The following NANOG variants were observed in gnomAD, a reference collection of about 807,000 sequenced individuals.
The protein encoded by NANOG is Nanog homeobox.
A neutral mutation model predicts 17.7 loss-of-function variants in NANOG; 2 were observed. The ratio of observed to expected loss-of-function variants is 0.11; its 90% CI spans 0.05 to 0.36. NANOG has a LOEUF of 0.36. NANOG is among the 10% of genes least tolerant of loss of function. NANOG has a pLI of 1.00. For missense variants in NANOG, 174 were observed against 362.1 expected (o/e 0.48, Z 4.22); for synonymous variants, 81 against 124.7 (o/e 0.65, Z 2.33).
chr12:7,795,330 T>TGCAGCCTTCAC lies in NANOG; in HGVS notation c.*235_*236insGCAGCCTTCAC. 6.3e-6 allele frequency: 2 copies of TGCAGCCTTCAC among 319,584 alleles called. 1 individual carries two copies. The allele number at this position is 319,584 out of a possible 1,614,324, so 19.8% of individuals were successfully genotyped here. A position where few individuals can be genotyped will look rare whatever the true frequency, so the allele number is the denominator to read the frequency against. On this transcript the variant is annotated 3_prime_UTR_variant, in exon 4 of 4. Coordinates refer to ENST00000229307, the MANE Select transcript of NANOG (RefSeq NM_024865.4). Reference sequence around the variant, plus strand: ...TTCCTGGAGAAAATACTTTTTTTTTTTTTTTTTTTGAAACGGAGTCTTGCT... The same window carrying TGCAGCCTTCAC: ...TTCCTGGAGAAAATACTTTTTTTTTTGCAGCCTTCACTTTTTTTTTGAAACGGAGTCTTGCT...
chr12:7,792,118 C>A (rs1326984489), intron 1 of NANOG, among the ~76,000 whole-genome samples: 1 of 152,148 alleles, frequency 6.6e-6, no homozygotes, highest in East Asian at 1.9e-4. Context: ...TGGTTTTGAA[C>A]TCTTGACCTC....
At chr12:7,791,093 ATTTCTTTC>A (rs1320803765) in intron 1 of NANOG, among the ~76,000 whole-genome samples, 31 of 144,326 alleles carry the variant, frequency 2.1e-4, no homozygotes, top group Admixed American at 1.6e-3. Context: ...TGCCTTTATA[ATTTCTTTC>A]TTTCTTTCTT....
intron 2 of NANOG, among the ~76,000 whole-genome samples, chr12:7,793,990 G>A (rs561844701): frequency 3.1e-4 from 47 of 152,198 alleles, no homozygotes; most frequent in African/African-American, 1.1e-3. Context: ...AGTGATCCAC[G>A]TGCCTCTGCC....
At chr12:7,793,335 T>G (rs1308783166) in intron 2 of NANOG, 123 bp downstream of exon 2, 1 of 808,798 alleles carries the variant, frequency 1.2e-6, no homozygotes, top group Non-Finnish European at 2.0e-6. Context: ...TTGCAAATAA[T>G]TTATGAAGAT....
Position 7,797,657 on chromosome 12 carries a change from T to G in NANOG, c.*2562T>G, listed in dbSNP as rs1340936443. On this transcript the variant is annotated 3_prime_UTR_variant, in exon 4 of 4. Transcript: ENST00000229307. ...CAGGCATGAGCCACAGTGCCCAGCC[T>G]TCTTTTTTATTTTTTTAAGACGGGC... The G allele has an allele frequency of 6.6e-6, 1 of 152,146 alleles. No homozygotes were observed. The highest frequency in any genetic ancestry group is 1.5e-5 in the Non-Finnish European group (1 of 68,058). The allele number at this position is 152,146 out of a possible 1,614,324, so 9.4% of individuals were successfully genotyped here.
chr12:7,790,960 G>T (rs1172520764), intron 1 of NANOG, among the ~76,000 whole-genome samples: 4 of 152,092 alleles, frequency 2.6e-5, no homozygotes, highest in Non-Finnish European at 5.9e-5. Flanking sequence ...GCTCGGGCTG[G>T]TCTTGAACTC....
At chr12:7,790,651 A>G (rs768503932) in intron 1 of NANOG, among the ~76,000 whole-genome samples, 119 of 152,306 alleles carry the variant, frequency 7.8e-4, no homozygotes, top group African/African-American at 2.7e-3. Context: ...TAAAAAGCGC[A>G]TTTACATTAT....
At position 7,799,052 on chromosome 12, in the gene NANOG, C is replaced by T. The variant is rs1290627669; in HGVS notation, c.*3957C>T. Reference sequence around the variant, plus strand: ...GAAGTGAAACTTGATTGAAAAGAAGCTGCTGGTGGTGAGTCTCTCCTTAAG... The same window carrying T: ...GAAGTGAAACTTGATTGAAAAGAAGTTGCTGGTGGTGAGTCTCTCCTTAAG... On this transcript the variant is annotated 3_prime_UTR_variant, in exon 4 of 4. Coordinates refer to ENST00000229307, the MANE Select transcript of NANOG (RefSeq NM_024865.4). 7 of 151,928 alleles carry T rather than the reference C, an allele frequency of 4.6e-5. No homozygotes were observed. Among genetic ancestry groups the T allele is most frequent in the Admixed American group, 2.6e-4 (4 of 15,210 alleles). 9.4% of individuals were successfully genotyped at this position (151,928 alleles called of 1,614,324 possible). A position where few individuals can be genotyped will look rare whatever the true frequency, so the allele number is the denominator to read the frequency against.
rs1862954631 is a variant in NANOG at position 7,798,146 on chromosome 12, G to A, written c.*3051G>A. 6.6e-6 allele frequency: 1 copy of A among 152,178 alleles called. No homozygotes were observed. Among genetic ancestry groups the A allele is most frequent in the Non-Finnish European group, 1.5e-5 (1 of 68,050 alleles). 9.4% of individuals were successfully genotyped at this position (152,178 alleles called of 1,614,324 possible). On this transcript the variant is annotated 3_prime_UTR_variant, in exon 4 of 4. Transcript: ENST00000229307. ...AATCCCAGCACTTCGGGAGACCAAG[G>A]CAGGTGGATCACCTGAGGTCAGGAG...
Position 7,796,247 on chromosome 12 carries a change from T to C in NANOG, c.*1152T>C, listed in dbSNP as rs1377650676. ...TTGTAGTGAGCCAATATCACACCAC[T>C]GCACTCCAGCTTGGGCGACAAGAGC... On this transcript the variant is annotated 3_prime_UTR_variant, in exon 4 of 4. Coordinates refer to ENST00000229307, the MANE Select transcript of NANOG (RefSeq NM_024865.4). 2.6e-5 allele frequency: 4 copies of C among 151,836 alleles called. No homozygotes were observed. The highest frequency in any genetic ancestry group is 5.9e-5 in the Non-Finnish European group (4 of 67,968). The allele number at this position is 151,836 out of a possible 1,614,324, so 9.4% of individuals were successfully genotyped here. A position where few individuals can be genotyped will look rare whatever the true frequency, so the allele number is the denominator to read the frequency against.
rs1335137130 is a variant in NANOG, at chr12:7,795,482, C to T, written c.*387C>T. ...GACTACAGGCGCCCGCCACCTCGCC[C>T]GGCTAATATTTTGTATTTTTAGTAG... On this transcript the variant is annotated 3_prime_UTR_variant, in exon 4 of 4. Coordinates refer to ENST00000229307, the MANE Select transcript of NANOG (RefSeq NM_024865.4). The T allele has an allele frequency of 4.0e-5, 10 of 251,392 alleles. No homozygotes were observed. The East Asian group carries it at 4.4e-4, about 11-fold the overall frequency. The allele number at this position is 251,392 out of a possible 1,614,324, so 15.6% of individuals were successfully genotyped here.
rs1862941430 is a variant in NANOG, at chr12:7,797,064, GT to G, written c.*1972del. ...CGTGAGCCACTGCGCCTGGCCTATC[GT>G]TTGTTTTTTTAGACAGTCTCTCTCT... On this transcript the variant is annotated 3_prime_UTR_variant, in exon 4 of 4. Coordinates refer to ENST00000229307, the MANE Select transcript of NANOG (RefSeq NM_024865.4). 1 of 146,630 alleles carries G rather than the reference GT, an allele frequency of 6.8e-6. No individual in the cohort carries two copies. Among genetic ancestry groups the G allele is most frequent in the Non-Finnish European group, 1.5e-5 (1 of 66,902 alleles). The allele number at this position is 146,630 out of a possible 1,614,324, so 9.1% of individuals were successfully genotyped here.
At position 7,793,190 on chromosome 12, in the gene NANOG, T is replaced by G; in HGVS notation, c.392T>G (p.Ile131Ser). Reference protein sequence around the residue: ...SLQQMQELSNILNLSYKQVKT... With the variant: ...SLQQMQELSNSLNLSYKQVKT... ...CAGCAGATGCAAGAACTCTCCAACATCCTGAACCTCAGCTACAAACAGGTA... is the reference window on the plus strand; with the variant it reads ...CAGCAGATGCAAGAACTCTCCAACAGCCTGAACCTCAGCTACAAACAGGTA... The change falls in exon 2 of 4, where the codon ATC (isoleucine) becomes AGC (serine). Residue 131 changes from isoleucine to serine, a missense_variant. By Grantham distance (142) the Ile-to-Ser change is moderately radical (BLOSUM62 -2). Coordinates refer to ENST00000229307, the MANE Select transcript of NANOG (RefSeq NM_024865.4). The G allele has an allele frequency of 2.5e-6, 4 of 1,613,616 alleles. No homozygotes were observed. Among genetic ancestry groups the G allele is most frequent in the Non-Finnish European group, 2.5e-6 (3 of 1,179,824 alleles).
rs1174833419 is a variant in NANOG, at chr12:7,797,141, G to C, written c.*2046G>C. On this transcript the variant is annotated 3_prime_UTR_variant, in exon 4 of 4. Coordinates refer to ENST00000229307, the MANE Select transcript of NANOG (RefSeq NM_024865.4). ...ACAATCTTGGCTCACTGCAACCTCC[G>C]CCTCCTGGGTTCGAGCAATTCTCCT... 1 of 152,074 alleles carries C rather than the reference G, an allele frequency of 6.6e-6. No homozygotes were observed. The highest frequency in any genetic ancestry group is 6.6e-5 in the Admixed American group (1 of 15,218). The allele number at this position is 152,074 out of a possible 1,614,324, so 9.4% of individuals were successfully genotyped here. A position where few individuals can be genotyped will look rare whatever the true frequency, so the allele number is the denominator to read the frequency against.
In NANOG at chr12:7,796,790, A is replaced by C. The variant is rs1383670134; in HGVS notation, c.*1695A>C. On this transcript the variant is annotated 3_prime_UTR_variant, in exon 4 of 4. Transcript: ENST00000229307. ...TTATTTTGTTTTTTTTTAAGACTGG[A>C]GTCTTACTCTGTTGCCCAGGCTGGA... The C allele has an allele frequency of 3.4e-5, 1 of 29,242 alleles. No individual in the cohort carries two copies. Among genetic ancestry groups the C allele is most frequent in the African/African-American group, 6.0e-5 (1 of 16,584 alleles). The allele number at this position is 29,242 out of a possible 1,614,324, so 1.8% of individuals were successfully genotyped here.
chr12:7,790,145 A>G (rs1394337513), intron 1 of NANOG, among the ~76,000 whole-genome samples: 2 of 151,970 alleles, frequency 1.3e-5, no homozygotes, highest in Non-Finnish European at 2.9e-5. Flanking sequence ...ATTTATTGCT[A>G]ATTAGCCAGA....
chr12:7,789,844 C>G, intron 1 of NANOG, 79 bp downstream of exon 1: 3 of 1,411,300 alleles, frequency 2.1e-6, no homozygotes, highest in Non-Finnish European at 3.0e-6. Flanking sequence ...GGGATCATTT[C>G]CCTCTTGAGC....
chr12:7,797,171 C>T lies in NANOG; in HGVS notation c.*2076C>T, dbSNP rs762072366. On this transcript the variant is annotated 3_prime_UTR_variant, in exon 4 of 4. Transcript: ENST00000229307. The stretch of plus-strand genomic sequence containing the variant: ...CTGGGTTCGAGCAATTCTCCTGCGT[C>T]AGCCTCCTAAGTAGCTGGGATTACA... 1 of 152,406 alleles carries T rather than the reference C, an allele frequency of 6.6e-6. No individual in the cohort carries two copies. The highest frequency in any genetic ancestry group is 6.5e-5 in the Admixed American group (1 of 15,280). The allele number at this position is 152,406 out of a possible 1,614,324, so 9.4% of individuals were successfully genotyped here.
chr12:7,792,851 C>T, intron 1 of NANOG, 99 bp from the exon 2 acceptor site: 1 of 1,258,342 alleles, frequency 7.9e-7, no homozygotes, highest in Non-Finnish European at 1.1e-6. Context: ...ATCTGGGGTT[C>T]TGGGAATTAT....
Sources: allele counts gnomAD v4.1 joint callset (sites outside exome capture counted in the v4.1 genomes callset), GRCh38; gene constraint gnomAD v4.1.1; transcripts MANE v1.5; gene names NCBI Gene and HGNC (gene_info 2026-07-23, HGNC 2026-07-21).